PC: variants seen among roughly 807,000 people sequenced by gnomAD.
PC encodes the protein pyruvate carboxylase, mitochondrial.
Under a neutral mutation model 107.8 loss-of-function variants are expected in PC, and 46 were observed. That is an observed-to-expected ratio of 0.43 (90% confidence interval 0.34 to 0.55). The LOEUF is 0.55. PC is among the 20% of genes least tolerant of loss of function. The pLI is 0.04. For missense variants in PC, 1,241 were observed against 1,643.1 expected (o/e 0.76, Z 4.23); for synonymous variants, 662 against 684.7 (o/e 0.97, Z 0.52).
chr11:66,945,830 TA>T (rs1949267865), intron 3 of PC, among the ~76,000 whole-genome samples: 1 of 136,974 alleles, frequency 7.3e-6, no homozygotes, highest in African/African-American at 2.7e-5. Flanking sequence ...CTCACGCCTG[TA>T]ATCCCAGCAC....
Position 66,858,834 on chromosome 11 carries a change from G to A in PC, c.1368+4940C>T, listed in dbSNP as rs1188687277. The A allele has an allele frequency of 3.2e-6, 5 of 1,551,774 alleles. No homozygotes were observed. Among genetic ancestry groups the A allele is most frequent in the Non-Finnish European group, 4.4e-6 (5 of 1,149,306 alleles). On this transcript the variant is annotated intron_variant, in intron 12 of 22. Transcript: ENST00000393960. This position sits in a 1 kb window ranked among gnomAD's most constrained non-coding sequence, Gnocchi z 5.9. ...CCCTGCTGGTGAGGCCACAGCCCGAGTAGAACTGCGGGTGCTGGCCTTGCC... is the reference window on the plus strand; with the variant it reads ...CCCTGCTGGTGAGGCCACAGCCCGAATAGAACTGCGGGTGCTGGCCTTGCC...
chr11:66,921,350 G>T, intron 3 of PC, among the ~76,000 whole-genome samples: 1 of 152,142 alleles, frequency 6.6e-6, no homozygotes, highest in East Asian at 1.9e-4. Context: ...GAGAACAGAG[G>T]CCAAGGATAA....
chr11:66,892,811 C>A, intron 3 of PC, among the ~76,000 whole-genome samples: 1 of 151,656 alleles, frequency 6.6e-6, no homozygotes, highest in East Asian at 1.9e-4. Context: ...GCCAAGATGG[C>A]GCCACTGCAT....
Position 66,879,022 on chromosome 11 carries a change from C to T in PC, c.1-6863G>A, listed in dbSNP as rs560357995. ...GTCGACTGAGACAGTACAGCTAAAG[C>T]GCCATGCCTGGGTGACAAACATCAG... On this transcript the variant is annotated intron_variant, in intron 3 of 22. Coordinates refer to ENST00000393960, the MANE Select transcript of PC (RefSeq NM_001040716.2). Among the ~76,000 whole-genome samples, 8 of 152,316 alleles carry T rather than the reference C, an allele frequency of 5.3e-5. No homozygotes were observed. The East Asian group carries it at 7.7e-4, about 15-fold the overall frequency.
chr11:66,856,754 CGCTTTGTCTG>C, intron 12 of PC: 1 of 152,306 alleles, frequency 6.6e-6, no homozygotes. Context: ...CGCGAGCAGG[CGCTTTGTCTG>C]GCTGTCTGCA....
rs1418718716 is a variant in PC, at chr11:66,848,601, T to G, written c.*298A>C. Reference sequence around the variant, plus strand: ...TTAGATCTCCCCTTCCCCCAGGAGATAGGACCCCTAAACCTCCCCTGGGTC... The same window carrying G: ...TTAGATCTCCCCTTCCCCCAGGAGAGAGGACCCCTAAACCTCCCCTGGGTC... On this transcript the variant is annotated 3_prime_UTR_variant, in exon 23 of 23. Transcript: ENST00000393960. The G allele has an allele frequency of 3.3e-6, 2 of 600,274 alleles. No homozygotes were observed. Among genetic ancestry groups the G allele is most frequent in the Non-Finnish European group, 5.9e-6 (2 of 336,398 alleles). The allele number at this position is 600,274 out of a possible 1,614,324, so 37.2% of individuals were successfully genotyped here. A position where few individuals can be genotyped will look rare whatever the true frequency, so the allele number is the denominator to read the frequency against.
chr11:66,869,095 C>T lies in PC; in HGVS notation c.904-131G>A, dbSNP rs1043572947. The T allele has an allele frequency of 7.1e-6, 5 of 701,480 alleles. No homozygotes were observed. The African/African-American group carries it at 8.8e-5, about 12-fold the overall frequency. The allele number at this position is 701,480 out of a possible 1,614,324, so 43.5% of individuals were successfully genotyped here. On this transcript the variant is annotated intron_variant, in intron 9 of 22. Coordinates refer to ENST00000393960, the MANE Select transcript of PC (RefSeq NM_001040716.2). ...AAGAATGGCCTGTGGCAAACCCTGC[C>T]CCCACAGATGGCAGACAGACCCCAG...
chr11:66,909,444 T>C (rs1438153273), intron 3 of PC, among the ~76,000 whole-genome samples: 5 of 151,640 alleles, frequency 3.3e-5, no homozygotes, highest in Admixed American at 2.6e-4. Flanking sequence ...TCCCTGCCGC[T>C]CCCCCCCGAA....
Position 66,954,374 on chromosome 11 carries a change from C to T in PC, c.-165G>A, listed in dbSNP as rs1372416445. On this transcript the variant is annotated 5_prime_UTR_variant, in exon 2 of 23. Coordinates refer to ENST00000393960, the MANE Select transcript of PC (RefSeq NM_001040716.2). ...AATGGTTTATTCTTTTGGCCATTTC[C>T]CATCTTCCACCGTCAGGCCCGACTC... 1 of 152,182 alleles carries T rather than the reference C, an allele frequency of 6.6e-6. No homozygotes were observed. Among genetic ancestry groups the T allele is most frequent in the African/African-American group, 2.4e-5 (1 of 41,436 alleles). The allele number at this position is 152,182 out of a possible 1,614,324, so 9.4% of individuals were successfully genotyped here. A position where few individuals can be genotyped will look rare whatever the true frequency, so the allele number is the denominator to read the frequency against.
chr11:66,943,731 G>A (rs1949207453), intron 3 of PC, among the ~76,000 whole-genome samples: 1 of 127,008 alleles, frequency 7.9e-6, no homozygotes, highest in African/African-American at 3.1e-5. Flanking sequence ...TCTCCAGCCT[G>A]GGCTATAGAG....
intron 3 of PC, among the ~76,000 whole-genome samples, chr11:66,878,535 G>A (rs951294044): frequency 1.1e-4 from 17 of 152,282 alleles, no homozygotes; most frequent in Admixed American, 8.5e-4. Flanking sequence ...ACATGTTGCC[G>A]CCCCCTCGGC....
chr11:66,871,831 C>T lies in PC; in HGVS notation c.177G>A (p.Leu59=), dbSNP rs751162984. The T allele has an allele frequency of 1.2e-6, 2 of 1,608,822 alleles. No individual in the cohort carries two copies. The highest frequency in any genetic ancestry group is 1.7e-6 in the Non-Finnish European group (2 of 1,179,660). The part of the protein sequence containing the change: ...AIRVFRACTE[L]GIRTVAIYSE... ...AGTAGATGGCTACGGTGCGGATGCC[C>T]AGCTCCGTGCAGGCCCGGAACACAC... Residue 59 remains leucine (L), a synonymous_variant, in exon 5 of 23, where the codon CTG becomes CTA. Transcript: ENST00000393960. This position sits in a 1 kb window ranked among gnomAD's most constrained non-coding sequence, Gnocchi z 7.4.
intron 3 of PC, among the ~76,000 whole-genome samples, chr11:66,895,400 T>C (rs756349520): frequency 5.3e-5 from 8 of 152,170 alleles, no homozygotes; most frequent in Non-Finnish European, 1.0e-4. Flanking sequence ...CAAAGGTCCC[T>C]GGGCAGATTC....
rs532584480 is a variant in PC at position 66,868,410 on chromosome 11, T to C, written c.1022+436A>G. Among the ~76,000 whole-genome samples the C allele has an allele frequency of 6.2e-4, 94 of 152,376 alleles. 1 individual carries two copies. The highest frequency in any genetic ancestry group is 2.2e-3 in the African/African-American group (93 of 41,592). On this transcript the variant is annotated intron_variant, in intron 10 of 22. Coordinates refer to ENST00000393960, the MANE Select transcript of PC (RefSeq NM_001040716.2). ...TTTGAAAAGTAGAATAAAAATTCTA[T>C]ATAAAACATCTCTATTGCATCAAAC...
At position 66,868,919 on chromosome 11, in the gene PC, G is replaced by T; in HGVS notation, c.949C>A (p.His317Asn). 1 of 1,613,762 alleles carries T rather than the reference G, an allele frequency of 6.2e-7. No homozygotes were observed. ...AGTVEFLVDRHGKHYFIEVNS... is the reference protein window; with the variant it reads ...AGTVEFLVDRNGKHYFIEVNS... ...ACCTCGATGAAGTAGTGCTTGCCGTGCCTGTCCACCAGGAACTCCACGGTG... is the reference window on the plus strand; with the variant it reads ...ACCTCGATGAAGTAGTGCTTGCCGTTCCTGTCCACCAGGAACTCCACGGTG... Residue 317 changes from histidine to asparagine, a missense_variant, in exon 10 of 23, where the codon CAC becomes AAC. This residue lies in a region of PC where 1,143 missense variants were observed against 1,551.9 expected (regional missense o/e 0.74). Coordinates refer to ENST00000393960, the MANE Select transcript of PC (RefSeq NM_001040716.2).
At chr11:66,916,352 C>T (rs1291687087) in intron 3 of PC, among the ~76,000 whole-genome samples, 1 of 152,176 alleles carries the variant, frequency 6.6e-6, no homozygotes, top group Non-Finnish European at 1.5e-5. Context: ...TCCCACAGTG[C>T]TGGGATTACA....
chr11:66,891,206 G>A (rs1268494209), intron 3 of PC, among the ~76,000 whole-genome samples: 10 of 149,528 alleles, frequency 6.7e-5, no homozygotes, highest in African/African-American at 1.7e-4. Flanking sequence ...ACAGATGTGC[G>A]CCAACATGCC....
chr11:66,871,556 A>C lies in PC; in HGVS notation c.322-76T>G. ...CCTCGGCCAGCCTCTTCCCCTGCCT[A>C]ACCTGCTGAGCTGCATCCGTTTACC... On this transcript the variant is annotated intron_variant, in intron 5 of 22. Coordinates refer to ENST00000393960, the MANE Select transcript of PC (RefSeq NM_001040716.2). This position sits in a 1 kb window ranked among gnomAD's most constrained non-coding sequence, Gnocchi z 7.4. The C allele has an allele frequency of 1.3e-6, 2 of 1,598,582 alleles. No individual in the cohort carries two copies. The highest frequency in any genetic ancestry group is 1.7e-6 in the Non-Finnish European group (2 of 1,167,470).
At chr11:66,892,523 G>A (rs763697254) in intron 3 of PC, among the ~76,000 whole-genome samples, 1 of 152,194 alleles carries the variant, frequency 6.6e-6, no homozygotes, top group Non-Finnish European at 1.5e-5. Flanking sequence ...TAATGAGTGC[G>A]AGCTGCATCA....
Sources: gnomAD v4.1 joint callset for allele counts (sites outside exome capture counted in the v4.1 genomes callset) on GRCh38, gnomAD v4.1.1 for gene constraint, gnomAD v4.1.1 regional missense constraint, Gnocchi (gnomAD v3.1) non-coding constraint, MANE v1.5 for transcripts, NCBI Gene and HGNC (gene_info 2026-07-23, HGNC 2026-07-21) for gene names.